Variants in ANKRD50 observed in about 807,000 individuals in gnomAD.
The protein encoded by ANKRD50 is ankyrin repeat domain-containing protein 50.
Under a neutral mutation model 112.0 loss-of-function variants are expected in ANKRD50, and 40 were observed. That is an observed-to-expected ratio of 0.36 (90% CI 0.28 to 0.46). The LOEUF (loss-of-function observed/expected upper bound fraction) is 0.46. Ranked by LOEUF, ANKRD50 falls within the 20% of genes least tolerant of loss-of-function variation. The pLI is 1.00. For missense variants in ANKRD50, 1,487 were observed against 1,701.7 expected (o/e 0.87, Z 2.22); for synonymous variants, 613 against 619.1 (o/e 0.99, Z 0.15).
chr4:124,670,262 G>T lies in ANKRD50; in HGVS notation c.3015C>A (p.Val1005=). The change falls in exon 4 of 5, where the codon GTC becomes GTA. Residue 1005 remains valine, a synonymous_variant. Transcript: ENST00000504087. ...VQVLIAYHAD[V]NAADNEKRSA... The stretch of plus-strand genomic sequence containing the variant: ...AGCGCTTTTCATTGTCTGCAGCATT[G>T]ACGTCAGCATGGTATGCTATCAGGA... 6.2e-7 allele frequency: 1 copy of T among 1,613,912 alleles called. No homozygotes were observed. The highest frequency in any genetic ancestry group is 8.5e-7 in the Non-Finnish European group (1 of 1,179,904).
Position 124,695,492 on chromosome 4 carries a change from C to T in ANKRD50, c.512+14508G>A, listed in dbSNP as rs747491798. Among the ~76,000 whole-genome samples the T allele has an allele frequency of 3.5e-4, 54 of 152,132 alleles. 1 individual carries two copies. Among genetic ancestry groups the T allele is most frequent in the Non-Finnish European group, 7.4e-5 (5 of 68,026 alleles). On this transcript the variant is annotated intron_variant, in intron 2 of 4. Transcript: ENST00000504087. ...TCCTGAACACGAGGCTGAATTTCCTCAACGCACGTTTACTTAAATTCCGGG... is the reference window on the plus strand; with the variant it reads ...TCCTGAACACGAGGCTGAATTTCCTTAACGCACGTTTACTTAAATTCCGGG...
chr4:124,685,830 G>A (rs997063443), intron 2 of ANKRD50, among the ~76,000 whole-genome samples: 2 of 152,050 alleles, frequency 1.3e-5, no homozygotes, highest in African/African-American at 4.8e-5. Flanking sequence ...AATGAGGAAT[G>A]CCAAGATCAT....
Position 124,672,509 on chromosome 4 carries a change from G to C in ANKRD50, c.768C>G (p.Asp256Glu). Residue 256 changes from aspartate (D) to glutamate (E), a missense_variant, in exon 4 of 5, where the codon GAC becomes GAG. Physicochemically the swap from Asp to Glu is conservative, Grantham distance 45 (BLOSUM62 2). Around this residue, in one of 2 missense-constraint regions of ANKRD50, gnomAD observed 1,046 missense variants for 1,269.5 expected, o/e 0.82. Transcript: ENST00000504087. The part of the protein sequence containing the change: ...FTGFRKISLD[D>E]LRKAYIVKDV... ...CCTTGACGATATATGCCTTCCGAAG[G>C]TCATCTAAACTTATTTTTCGAAAAC... 1 of 1,596,368 alleles carries C rather than the reference G, an allele frequency of 6.3e-7. No individual in the cohort carries two copies. Among genetic ancestry groups the C allele is most frequent in the Non-Finnish European group, 8.5e-7 (1 of 1,173,682 alleles).
rs752703362 is a variant in ANKRD50 at position 124,666,231 on chromosome 4, T to A, written c.*1287A>T. 2.6e-5 allele frequency: 4 copies of A among 152,438 alleles called. No homozygotes were observed. 9.4% of individuals were successfully genotyped at this position (152,438 alleles called of 1,614,324 possible). A position where few individuals can be genotyped will look rare whatever the true frequency, so the allele number is the denominator to read the frequency against. On this transcript the variant is annotated 3_prime_UTR_variant, in exon 5 of 5. Transcript: ENST00000504087. ...GAGACTAAGGCTGTGGGACACATGC[T>A]CATTTGAACCAATTTTACCTTCCTT...
intron 2 of ANKRD50, among the ~76,000 whole-genome samples, chr4:124,688,835 C>T (rs555437617): frequency 6.6e-6 from 1 of 152,316 alleles, no homozygotes; most frequent in South Asian, 2.1e-4. Context: ...TTATCAATTT[C>T]TCTAACCTCA....
rs543276478 is a variant in ANKRD50 at position 124,712,353 on chromosome 4, G to C, written c.-764+105C>G. The C allele has an allele frequency of 3.9e-5, 6 of 153,266 alleles. No individual in the cohort carries two copies. The South Asian group carries it at 7.1e-4, about 18-fold the overall frequency. The allele number at this position is 153,266 out of a possible 1,614,324, so 9.5% of individuals were successfully genotyped here. ...AGGGCAAATCTGGGGCTCGAGGCCG[G>C]AGAGGGTGGGTGGTTGGGTCAGGTC... is the stretch of plus-strand genomic sequence containing the variant. On this transcript the variant is annotated intron_variant, in intron 1 of 4. Transcript: ENST00000504087.
At position 124,671,186 on chromosome 4, in the gene ANKRD50, C is replaced by T. The variant is rs1460751279; in HGVS notation, c.2091G>A (p.Leu697=). The change falls in exon 4 of 5, where the codon CTG becomes CTA. Residue 697 remains leucine, a synonymous_variant. Transcript: ENST00000504087. The stretch of plus-strand genomic sequence containing the variant: ...CATGATTTACTTCTGCTCCATGGTC[C>T]AGTAGGTGTTCCACAATCTCTCTAT... The part of the protein sequence containing the change: ...MGHREIVEHL[L]DHGAEVNHED... 3.1e-6 allele frequency: 5 copies of T among 1,613,866 alleles called. No homozygotes were observed. In the South Asian group the frequency reaches 5.5e-5, roughly 18 times the overall value.
chr4:124,706,580 C>T (rs778535379), intron 2 of ANKRD50, among the ~76,000 whole-genome samples: 9 of 152,068 alleles, frequency 5.9e-5, no homozygotes, highest in Non-Finnish European at 1.2e-4. Context: ...AATCACTTCT[C>T]TGCAATTTCC....
intron 2 of ANKRD50, among the ~76,000 whole-genome samples, chr4:124,687,812 T>A (rs956056912): frequency 1.3e-5 from 2 of 152,188 alleles, no homozygotes; most frequent in African/African-American, 4.8e-5. Flanking sequence ...CACAGTGTGA[T>A]ACCACTAGAC....
At chr4:124,701,721 C>A (rs913346213) in intron 2 of ANKRD50, among the ~76,000 whole-genome samples, 1 of 151,828 alleles carries the variant, frequency 6.6e-6, no homozygotes, top group Admixed American at 6.6e-5. Context: ...GAGATGGGGT[C>A]TCACTGTGTT....
intron 2 of ANKRD50, among the ~76,000 whole-genome samples, chr4:124,706,006 A>G (rs1413761287): frequency 1.3e-5 from 2 of 152,190 alleles, no homozygotes; most frequent in Non-Finnish European, 2.9e-5. Context: ...ATGTGTCTTC[A>G]TATCATTCCC....
At chr4:124,700,911 C>T (rs1725374854) in intron 2 of ANKRD50, among the ~76,000 whole-genome samples, 1 of 152,164 alleles carries the variant, frequency 6.6e-6, no homozygotes, top group Admixed American at 6.5e-5. Flanking sequence ...TGTTAATCCA[C>T]TGGCCAAAGC....
rs1016497296 is a variant in ANKRD50 at position 124,705,019 on chromosome 4, G to A, written c.512+4981C>T. On this transcript the variant is annotated intron_variant, in intron 2 of 4. Coordinates refer to ENST00000504087, the MANE Select transcript of ANKRD50 (RefSeq NM_020337.3). ...TGAGGCAGGAGAATGGCGTGAACCC[G>A]AGAGGCGGAGCTTGTAGTGAGCCAA... Among the ~76,000 whole-genome samples, 8 of 152,150 alleles carry A rather than the reference G, an allele frequency of 5.3e-5. No individual in the cohort carries two copies. The South Asian group carries it at 1.5e-3, about 28-fold the overall frequency.
chr4:124,701,177 G>T (rs1725381729), intron 2 of ANKRD50, among the ~76,000 whole-genome samples: 1 of 152,118 alleles, frequency 6.6e-6, no homozygotes, highest in Non-Finnish European at 1.5e-5. Flanking sequence ...TGGTCAGGCT[G>T]GTCTCGAACT....
chr4:124,695,647 T>C (rs901565198), intron 2 of ANKRD50, among the ~76,000 whole-genome samples: 1 of 152,180 alleles, frequency 6.6e-6, no homozygotes, highest in Non-Finnish European at 1.5e-5. Context: ...TCAGGAGATT[T>C]GCAAGAATTT....
chr4:124,698,221 T>C (rs1006808863), intron 2 of ANKRD50, among the ~76,000 whole-genome samples: 13 of 152,082 alleles, frequency 8.5e-5, no homozygotes, highest in Non-Finnish European at 1.8e-4. Flanking sequence ...GCACAGATGG[T>C]TTAACCATAG....
Position 124,671,682 on chromosome 4 carries a change from A to T in ANKRD50, c.1595T>A (p.Leu532Ter). Residue 532 changes from leucine (L) to a stop codon, truncating the protein, a stop_gained, in exon 4 of 5, where the codon TTA (leucine) becomes TAA (stop). Transcript: ENST00000504087. LOFTEE classifies it high-confidence loss of function. ...CTGATTTACTGAAGCTCCATTATCTAATAATGTCCGAATGGAATCCTCTCT... is the reference window on the plus strand; with the variant it reads ...CTGATTTACTGAAGCTCCATTATCTTATAATGTCCGAATGGAATCCTCTCT... ...LEREDSIRTLLDNGASVNQCD... is the reference protein window; with the variant it reads ...LEREDSIRTL 1 of 1,613,878 alleles carries T rather than the reference A, an allele frequency of 6.2e-7. No homozygotes were observed.
intron 3 of ANKRD50, among the ~76,000 whole-genome samples, chr4:124,675,618 T>C (rs1730756488): frequency 6.6e-6 from 1 of 151,936 alleles, no homozygotes; most frequent in African/African-American, 2.4e-5. Flanking sequence ...AGCACTCTTA[T>C]TAGTATCTGG....
In ANKRD50 at chr4:124,678,865, G is replaced by C. The variant is rs1724807542; in HGVS notation, c.553C>G (p.Gln185Glu). The C allele has an allele frequency of 6.2e-7, 1 of 1,613,598 alleles. No individual in the cohort carries two copies. Among genetic ancestry groups the C allele is most frequent in the Non-Finnish European group, 8.5e-7 (1 of 1,179,706 alleles). ...GAATCAACAAGCAGGTATAGGCTTT[G>C]CTGGGGAGGCTTCATTCCCAGAAGA... is the stretch of plus-strand genomic sequence containing the variant. ...LPLLGMKPPQ[Q>E]SLYLLVDSVD... The change falls in exon 3 of 5, where the codon CAA becomes GAA. Residue 185 changes from glutamine (Q) to glutamate (E), a missense_variant. This residue lies in a region of ANKRD50 where 1,046 missense variants were observed against 1,269.5 expected (regional missense o/e 0.82). Coordinates refer to ENST00000504087, the MANE Select transcript of ANKRD50 (RefSeq NM_020337.3).
Sources: allele counts gnomAD v4.1 joint callset (sites outside exome capture counted in the v4.1 genomes callset), GRCh38; gene constraint gnomAD v4.1.1; regional missense constraint gnomAD v4.1.1; transcripts MANE v1.5; gene names NCBI Gene and HGNC (gene_info 2026-07-23, HGNC 2026-07-21).